The following TCF4 variants were observed in gnomAD, a reference collection of about 807,000 sequenced individuals.
The protein encoded by TCF4 is SL3-3 enhancer factor 2.
Under a neutral mutation model 82.1 loss-of-function variants are expected in TCF4, and 3 were observed. That is an observed-to-expected ratio of 0.04 (90% CI 0.02 to 0.09). The LOEUF (loss-of-function observed/expected upper bound fraction) is 0.09, where lower values mean the gene tolerates loss of function less well. Among genes scored for constraint, TCF4 ranks in the 10% least tolerant of loss-of-function variants. TCF4 has a pLI of 1.00. For missense variants in TCF4, 518 were observed against 852.7 expected, an observed-to-expected ratio of 0.61 and a Z score of 4.89; for synonymous variants, 276 against 309.6, an observed-to-expected ratio of 0.89 and a Z score of 1.14.
chr18:55,493,085 G>A (rs1411450280), intron 3 of TCF4, among the ~76,000 whole-genome samples: 1 of 152,138 alleles, frequency 6.6e-6, no homozygotes, highest in Admixed American at 6.6e-5. Flanking sequence ...CTCGGGTAGA[G>A]GACCTCCATA....
intron 5 of TCF4, among the ~76,000 whole-genome samples, chr18:55,416,127 T>C (rs1301379803): frequency 6.6e-6 from 1 of 152,194 alleles, no homozygotes; most frequent in Non-Finnish European, 1.5e-5. Context: ...CAGCTATGTA[T>C]GTACACACAC....
At chr18:55,451,440 A>T (rs538639665) in intron 5 of TCF4, among the ~76,000 whole-genome samples, 10 of 152,334 alleles carry the variant, frequency 6.6e-5, no homozygotes, top group African/African-American at 2.4e-4. Flanking sequence ...ATCACTAGGA[A>T]GTGAAAAGCC....
intron 6 of TCF4, among the ~76,000 whole-genome samples, chr18:55,381,923 T>A (rs568773454): frequency 0.012 from 1,596 of 134,106 alleles, 32 homozygotes; most frequent in African/African-American, 0.049. Context: ...TTTTTTTTTT[T>A]TTAAAAAAGG....
intron 6 of TCF4, among the ~76,000 whole-genome samples, chr18:55,369,515 G>A (rs547104001): frequency 6.6e-6 from 1 of 152,282 alleles, no homozygotes; most frequent in Non-Finnish European, 1.5e-5. Flanking sequence ...GAAAGTGGCT[G>A]AGGTCCATGA....
chr18:55,499,957 C>T (rs1395613413), intron 3 of TCF4, among the ~76,000 whole-genome samples: 2 of 151,986 alleles, frequency 1.3e-5, no homozygotes, highest in African/African-American at 2.4e-5. Flanking sequence ...CTGAGGCAGG[C>T]GGATCACACA....
intron 6 of TCF4, among the ~76,000 whole-genome samples, chr18:55,365,209 G>A (rs868701904): frequency 5.2e-4 from 66 of 126,524 alleles, no homozygotes; most frequent in South Asian, 1.2e-3. Flanking sequence ...GTGTGTGTGT[G>A]TATATATATG....
At chr18:55,346,478 C>T (rs886754023) in intron 8 of TCF4, among the ~76,000 whole-genome samples, 2 of 151,990 alleles carry the variant, frequency 1.3e-5, no homozygotes, top group African/African-American at 2.4e-5. Flanking sequence ...TGTACTTTAA[C>T]GTAGAAAAAA....
chr18:55,339,504 T>C (rs2079359247), intron 8 of TCF4, among the ~76,000 whole-genome samples: 2 of 152,196 alleles, frequency 1.3e-5, no homozygotes, highest in Admixed American at 1.3e-4. Flanking sequence ...ATTATCTCTG[T>C]GAACTGAAGC....
At chr18:55,370,443 A>AGATG (rs1306186580) in intron 6 of TCF4, among the ~76,000 whole-genome samples, 1 of 150,264 alleles carries the variant, frequency 6.7e-6, no homozygotes, top group Non-Finnish European at 1.5e-5. Flanking sequence ...ATAGATAGAT[A>AGATG]GATAGATAGA....
At chr18:55,423,840 T>C (rs2094876124) in intron 5 of TCF4, among the ~76,000 whole-genome samples, 1 of 152,052 alleles carries the variant, frequency 6.6e-6, no homozygotes, top group African/African-American at 2.4e-5. Flanking sequence ...GTCTTCATAA[T>C]CGCCCTGTCT....
chr18:55,417,432 T>C (rs1486837425), intron 5 of TCF4, among the ~76,000 whole-genome samples: 2 of 152,232 alleles, frequency 1.3e-5, no homozygotes, highest in African/African-American at 4.8e-5. Flanking sequence ...TAAATGAAAC[T>C]GATAGAACAT....
intron 2 of TCF4, among the ~76,000 whole-genome samples, chr18:55,601,084 T>G (rs2097696393): frequency 6.6e-6 from 1 of 152,114 alleles, no homozygotes; most frequent in Non-Finnish European, 1.5e-5. Flanking sequence ...ACCTCAGACA[T>G]GACCATGTTA....
intron 6 of TCF4, among the ~76,000 whole-genome samples, chr18:55,363,207 G>A (rs746801130): frequency 6.6e-6 from 1 of 152,060 alleles, no homozygotes; most frequent in Admixed American, 6.5e-5. Context: ...GCAATGTGCG[G>A]CTGCTGCCAG....
chr18:55,357,733 C>G (rs764425791), intron 6 of TCF4, among the ~76,000 whole-genome samples: 2 of 152,094 alleles, frequency 1.3e-5, no homozygotes, highest in Non-Finnish European at 2.9e-5. Context: ...ATATGACAGC[C>G]ATTTTTATGT....
intron 3 of TCF4, among the ~76,000 whole-genome samples, chr18:55,532,862 T>C (rs576477314): frequency 4.3e-4 from 65 of 152,296 alleles, no homozygotes; most frequent in African/African-American, 1.3e-3. Context: ...CCGGCAAGCA[T>C]GTTTCCAAAT....
At chr18:55,594,446 G>C (rs897042433) in intron 2 of TCF4, among the ~76,000 whole-genome samples, 1 of 152,108 alleles carries the variant, frequency 6.6e-6, no homozygotes, top group Non-Finnish European at 1.5e-5. Flanking sequence ...TGCAGTGCCT[G>C]GCACATATAA....
At chr18:55,308,286 C>T (rs2071046951) in intron 8 of TCF4, among the ~76,000 whole-genome samples, 1 of 152,026 alleles carries the variant, frequency 6.6e-6, no homozygotes, top group Admixed American at 6.6e-5. Flanking sequence ...ATTTTAGATC[C>T]AAGGGGTATA....
chr18:55,321,847 G>C, intron 8 of TCF4: 2 of 1,475,340 alleles, frequency 1.4e-6, no homozygotes, highest in Admixed American at 4.3e-5. Flanking sequence ...CATATGGCCG[G>C]GCCAAGCGTG....
At chr18:55,305,300 T>G (rs1169302032) in intron 8 of TCF4, among the ~76,000 whole-genome samples, 1 of 152,172 alleles carries the variant, frequency 6.6e-6, no homozygotes, top group African/African-American at 2.4e-5. Context: ...ATTTTAATTA[T>G]TGATTATAAC....
Sources: allele counts gnomAD v4.1 joint callset (sites outside exome capture counted in the v4.1 genomes callset), GRCh38; gene constraint gnomAD v4.1.1; transcripts MANE v1.5; gene names NCBI Gene and HGNC (gene_info 2026-07-23, HGNC 2026-07-21).